USO1: variants seen among roughly 807,000 people sequenced by gnomAD.
The protein encoded by USO1 is general vesicular transport factor p115.
In USO1, 57 loss-of-function variants were observed where a neutral mutation model predicts 124.5. The ratio of observed to expected loss-of-function variants is 0.46; its 90% CI spans 0.37 to 0.57. USO1 has a LOEUF of 0.57. USO1 is among the 20% of genes least tolerant of loss of function. The pLI is 0.00. For missense variants in USO1, 900 were observed against 1,040.6 expected, an observed-to-expected ratio of 0.86 and a Z score of 1.86; for synonymous variants, 369 against 362.8, an observed-to-expected ratio of 1.02 and a Z score of -0.19.
intron 1 of USO1, among the ~76,000 whole-genome samples, chr4:75,726,552 G>A (rs1336818049): frequency 2.1e-5 from 3 of 142,746 alleles, no homozygotes; most frequent in Non-Finnish European, 3.1e-5. Flanking sequence ...TGGGCAGCAT[G>A]AAGAGACTCC....
intron 22 of USO1, among the ~76,000 whole-genome samples, chr4:75,811,132 ATT>A (rs1482422611): frequency 2.6e-5 from 4 of 151,804 alleles, no homozygotes; most frequent in Non-Finnish European, 5.9e-5. Context: ...TATTGAAAAT[ATT>A]TTTGTTTTCT....
At chr4:75,779,257 A>G (rs952720346) in intron 8 of USO1, among the ~76,000 whole-genome samples, 2 of 152,096 alleles carry the variant, frequency 1.3e-5, no homozygotes, top group Non-Finnish European at 2.9e-5. Flanking sequence ...CAATATTGAA[A>G]TCAGGCAAAT....
At chr4:75,774,869 T>C (rs1722031256) in intron 8 of USO1, 73 bp downstream of exon 8, 20 of 1,481,858 alleles carry the variant, frequency 1.3e-5, no homozygotes, top group African/African-American at 5.7e-5. Flanking sequence ...GGGAATACAG[T>C]TGGAGGGAGA....
chr4:75,753,334 G>C (rs1169960069), intron 3 of USO1, among the ~76,000 whole-genome samples: 1 of 151,790 alleles, frequency 6.6e-6, no homozygotes, highest in African/African-American at 2.4e-5. Context: ...AGGAGTTCGA[G>C]ACCAGCCTGG....
Position 75,800,756 on chromosome 4 carries a change from G to A in USO1, c.1821G>A (p.Met607Ile). The A allele has an allele frequency of 3.7e-6, 6 of 1,613,550 alleles. No homozygotes were observed. Among genetic ancestry groups the A allele is most frequent in the Non-Finnish European group, 5.1e-6 (6 of 1,179,742 alleles). ...PQPNFPSPEY[M>I]IFDHEFTKLV... ...CAAACTTTCCCAGTCCAGAATACAT[G>A]ATATTTGATCATGAGTTTACGAAGC... The change falls in exon 16 of 24, where the codon ATG (methionine) becomes ATA (isoleucine). Residue 607 changes from methionine (M) to isoleucine (I), a missense_variant. Met to Ile is a conservative substitution (Grantham distance 10, BLOSUM62 1). Around this residue, in one of 2 missense-constraint regions of USO1, gnomAD observed 538 missense variants for 681.6 expected, o/e 0.79. Coordinates refer to ENST00000514213, the MANE Select transcript of USO1 (RefSeq NM_003715.4).
intron 1 of USO1, among the ~76,000 whole-genome samples, chr4:75,742,989 T>C (rs1196784686): frequency 6.6e-6 from 1 of 151,210 alleles, no homozygotes; most frequent in Non-Finnish European, 1.5e-5. Context: ...GCATATCTTT[T>C]TTTTTTTTTT....
At chr4:75,744,208 G>A (rs1721056012) in intron 1 of USO1, among the ~76,000 whole-genome samples, 1 of 151,842 alleles carries the variant, frequency 6.6e-6, no homozygotes, top group South Asian at 2.1e-4. Context: ...ACTGTTCTTG[G>A]CCCCCCCATA....
chr4:75,809,537 C>G (rs1181960258), intron 21 of USO1, among the ~76,000 whole-genome samples: 1 of 152,150 alleles, frequency 6.6e-6, no homozygotes, highest in African/African-American at 2.4e-5. Context: ...GCTTAGAAAC[C>G]TCAGTAAAAT....
chr4:75,730,217 G>A (rs1413151797), intron 1 of USO1, among the ~76,000 whole-genome samples: 2 of 152,142 alleles, frequency 1.3e-5, no homozygotes, highest in African/African-American at 4.8e-5. Context: ...TCATTTAAAA[G>A]TTAGAATCAT....
rs1722995928 is a variant in USO1, at chr4:75,806,360, T to A, written c.2290-126T>A. Reference sequence around the variant, plus strand: ...TGGAATTTTATCTTGGGCATAAAAATTAAAAGGTTGGTGTGAATTTTTTGG... The same window carrying A: ...TGGAATTTTATCTTGGGCATAAAAAATAAAAGGTTGGTGTGAATTTTTTGG... On this transcript the variant is annotated intron_variant, in intron 19 of 23. Coordinates refer to ENST00000514213, the MANE Select transcript of USO1 (RefSeq NM_003715.4). The A allele has an allele frequency of 2.5e-6, 3 of 1,185,854 alleles. No homozygotes were observed. In the Admixed American group the frequency reaches 8.5e-5, roughly 34 times the overall value. 73.5% of individuals were successfully genotyped at this position (1,185,854 alleles called of 1,614,324 possible). A position where few individuals can be genotyped will look rare whatever the true frequency, so the allele number is the denominator to read the frequency against.
At chr4:75,795,569 T>G (rs1560457829) in intron 13 of USO1, among the ~76,000 whole-genome samples, 1 of 152,196 alleles carries the variant, frequency 6.6e-6, no homozygotes, top group Non-Finnish European at 1.5e-5. Context: ...ACTGTGGGAA[T>G]GAGAATCTGA....
chr4:75,769,459 T>C (rs568833998), intron 4 of USO1, among the ~76,000 whole-genome samples: 93 of 152,292 alleles, frequency 6.1e-4, no homozygotes, highest in Non-Finnish European at 4.7e-4. Context: ...TTGCTTTGCT[T>C]TTCCTGTCAT....
intron 4 of USO1, among the ~76,000 whole-genome samples, chr4:75,758,321 A>G (rs1162969085): frequency 1.3e-5 from 2 of 152,182 alleles, no homozygotes; most frequent in Admixed American, 6.5e-5. Flanking sequence ...TAGATTTTTC[A>G]TTATTCTGTA....
chr4:75,726,543 G>A (rs1187961875), intron 1 of USO1, among the ~76,000 whole-genome samples: 1 of 150,786 alleles, frequency 6.6e-6, no homozygotes, highest in Non-Finnish European at 1.5e-5. Context: ...AGACTAGCCT[G>A]GGCAGCATGA....
chr4:75,810,476 C>T lies in USO1; in HGVS notation c.2520C>T (p.Ala840=), dbSNP rs748094772. Residue 840 remains alanine (A), a synonymous_variant, in exon 22 of 24, where the codon GCC becomes GCT. Coordinates refer to ENST00000514213, the MANE Select transcript of USO1 (RefSeq NM_003715.4). The part of the protein sequence containing the change: ...EVQGETETII[A]TKTTDVEGRL... Reference sequence around the variant, plus strand: ...AAGGAGAGACCGAGACTATAATAGCCACCAAAACTACTGATGTAGAAGGAA... The same window carrying T: ...AAGGAGAGACCGAGACTATAATAGCTACCAAAACTACTGATGTAGAAGGAA... The T allele has an allele frequency of 5.6e-6, 9 of 1,612,874 alleles. No individual in the cohort carries two copies. The highest frequency in any genetic ancestry group is 7.6e-6 in the Non-Finnish European group (9 of 1,179,538).
Position 75,804,220 on chromosome 4 carries a change from A to G in USO1, c.2073A>G (p.Val691=), listed in dbSNP as rs766302014. 13 of 1,613,772 alleles carry G rather than the reference A, an allele frequency of 8.1e-6. No individual in the cohort carries two copies. The highest frequency in any genetic ancestry group is 2.2e-5 in the East Asian group (1 of 44,850). The change falls in exon 18 of 24, where the codon GTA becomes GTG. Residue 691 remains valine (V), a synonymous_variant. Transcript: ENST00000514213. ...TCCAGACGGCAGTCACACAGCAAGT[A>G]TCACAGATCCAGCAGCACAAAGACC... is the stretch of plus-strand genomic sequence containing the variant. ...EQLQTAVTQQ[V]SQIQQHKDQY... is the part of the protein sequence containing the mutation.
intron 1 of USO1, among the ~76,000 whole-genome samples, chr4:75,750,315 G>A (rs1721267424): frequency 1.3e-5 from 2 of 151,946 alleles, no homozygotes; most frequent in South Asian, 4.1e-4. Flanking sequence ...TTGTGTGCCT[G>A]TGGGCCCAGC....
chr4:75,729,918 TA>T (rs1411800211), intron 1 of USO1: 1 of 415,352 alleles, frequency 2.4e-6, no homozygotes, highest in Non-Finnish European at 4.7e-6. Context: ...AGTGTGGACT[TA>T]AATTTAGACA....
intron 12 of USO1, among the ~76,000 whole-genome samples, chr4:75,793,113 G>A (rs1722577051): frequency 6.6e-6 from 1 of 150,726 alleles, no homozygotes; most frequent in African/African-American, 2.4e-5. Flanking sequence ...GTACTCCATT[G>A]TGTGTATATA....
Sources: allele counts gnomAD v4.1 joint callset (sites outside exome capture counted in the v4.1 genomes callset), GRCh38; gene constraint gnomAD v4.1.1; regional missense constraint gnomAD v4.1.1; transcripts MANE v1.5; gene names NCBI Gene and HGNC (gene_info 2026-07-23, HGNC 2026-07-21).